Variants in CHRM3 observed in about 807,000 individuals in gnomAD.
CHRM3 encodes muscarinic acetylcholine receptor M3.
A neutral mutation model predicts 41.8 loss-of-function variants in CHRM3; 11 were observed. The observed-to-expected ratio is 0.26, with a 90% CI of 0.17 to 0.44. CHRM3 has a LOEUF of 0.44. Ranked by LOEUF, CHRM3 falls within the 20% of genes least tolerant of loss-of-function variation. The pLI, the probability that CHRM3 is intolerant of heterozygous loss-of-function variation, is 1.00. For missense variants in CHRM3, 571 were observed against 745.4 expected, an observed-to-expected ratio of 0.77 and a Z score of 2.72; for synonymous variants, 297 against 301.4, an observed-to-expected ratio of 0.99 and a Z score of 0.15.
chr1:239,479,829 G>A (rs938628721), intron 1 of CHRM3, among the ~76,000 whole-genome samples: 16 of 152,208 alleles, frequency 1.1e-4, no homozygotes, highest in Non-Finnish European at 4.4e-5. Context: ...AGGACTGCAA[G>A]TTGCTCTAGG....
At chr1:239,818,692 C>T (rs750857965) in intron 5 of CHRM3, among the ~76,000 whole-genome samples, 2 of 152,138 alleles carry the variant, frequency 1.3e-5, no homozygotes, top group African/African-American at 2.4e-5. Context: ...CTTTTATTTG[C>T]AATTCTAGAA....
intron 5 of CHRM3, among the ~76,000 whole-genome samples, chr1:239,724,477 G>A (rs962790037): frequency 6.6e-6 from 1 of 151,906 alleles, no homozygotes; most frequent in Admixed American, 6.6e-5. Flanking sequence ...TTGTGCATTG[G>A]AAGTTTACTT....
intron 6 of CHRM3, among the ~76,000 whole-genome samples, chr1:239,849,562 GT>G (rs1309472086): frequency 6.6e-6 from 1 of 152,286 alleles, no homozygotes; most frequent in Non-Finnish European, 1.5e-5. Flanking sequence ...ACACAAACGT[GT>G]TTTGCTGCAA....
At chr1:239,772,394 G>A (rs973882244) in intron 5 of CHRM3, among the ~76,000 whole-genome samples, 6 of 152,078 alleles carry the variant, frequency 3.9e-5, no homozygotes, top group East Asian at 1.9e-4. Context: ...CAGGTGATCC[G>A]GCCACCTCGG....
intron 5 of CHRM3, among the ~76,000 whole-genome samples, chr1:239,678,858 C>T (rs186601913): frequency 6.6e-5 from 10 of 152,144 alleles, no homozygotes; most frequent in Admixed American, 6.5e-4. Context: ...TACATAAAAA[C>T]AAAAAATATG....
chr1:239,713,741 C>A (rs1165447200), intron 5 of CHRM3, among the ~76,000 whole-genome samples: 1 of 152,160 alleles, frequency 6.6e-6, no homozygotes, highest in Non-Finnish European at 1.5e-5. Flanking sequence ...GAGACCTCTG[C>A]AGTTTACCTC....
intron 1 of CHRM3, among the ~76,000 whole-genome samples, chr1:239,426,520 T>C (rs1002625594): frequency 6.0e-5 from 9 of 149,342 alleles, no homozygotes; most frequent in Non-Finnish European, 1.2e-4. Flanking sequence ...AAAACAAAAT[T>C]AAGATGAGTG....
At chr1:239,744,281 G>A (rs921509604) in intron 5 of CHRM3, among the ~76,000 whole-genome samples, 4 of 152,118 alleles carry the variant, frequency 2.6e-5, no homozygotes, top group African/African-American at 9.7e-5. Context: ...TTCTAGTCAG[G>A]GGAATGGATA....
intron 2 of CHRM3, among the ~76,000 whole-genome samples, chr1:239,497,303 G>C (rs1440822577): frequency 6.6e-6 from 1 of 152,144 alleles, no homozygotes; most frequent in African/African-American, 2.4e-5. Flanking sequence ...AGTCAATTAA[G>C]TACATTAGTA....
intron 6 of CHRM3, among the ~76,000 whole-genome samples, chr1:239,853,618 C>G (rs75486079): frequency 0.015 from 2,342 of 152,064 alleles, 70 homozygotes; most frequent in African/African-American, 0.052. Context: ...TTTACCTCTT[C>G]TGTTTATTTG....
At chr1:239,449,774 T>C (rs1028081091) in intron 1 of CHRM3, among the ~76,000 whole-genome samples, 2 of 150,592 alleles carry the variant, frequency 1.3e-5, no homozygotes, top group Admixed American at 6.7e-5. Context: ...GTATGCATGT[T>C]GTGGGTGTGT....
At chr1:239,789,139 G>A (rs1336827313) in intron 5 of CHRM3, among the ~76,000 whole-genome samples, 1 of 152,130 alleles carries the variant, frequency 6.6e-6, no homozygotes. Flanking sequence ...CACCCATTCA[G>A]AAGAGAAAAG....
intron 6 of CHRM3, among the ~76,000 whole-genome samples, chr1:239,898,625 T>C (rs1361208730): frequency 6.6e-6 from 1 of 152,216 alleles, no homozygotes; most frequent in Non-Finnish European, 1.5e-5. Context: ...TTTAGACTTC[T>C]AGAAAAATTT....
intron 2 of CHRM3, among the ~76,000 whole-genome samples, chr1:239,499,112 T>C (rs976618985): frequency 5.9e-5 from 9 of 152,118 alleles, no homozygotes; most frequent in African/African-American, 2.2e-4. Flanking sequence ...TAGAAGTGCG[T>C]ATTGGTAAGT....
intron 6 of CHRM3, among the ~76,000 whole-genome samples, chr1:239,875,279 G>C (rs1215364820): frequency 2.6e-5 from 4 of 152,182 alleles, no homozygotes; most frequent in Non-Finnish European, 5.9e-5. Flanking sequence ...GGTGGCAACT[G>C]TTCTTCTGTT....
rs762313587 is a variant in CHRM3, at chr1:239,473,405, T to C, written c.-520-19304T>C. Among the ~76,000 whole-genome samples the C allele has an allele frequency of 4.6e-5, 7 of 151,144 alleles. No individual in the cohort carries two copies. The East Asian group carries it at 5.8e-4, about 13-fold the overall frequency. Reference sequence around the variant, plus strand: ...CAGAGAAAGACATCCCAAGAGAAAATTGGAAAGAAAAGAATAGGCATTTCA... The same window carrying C: ...CAGAGAAAGACATCCCAAGAGAAAACTGGAAAGAAAAGAATAGGCATTTCA... On this transcript the variant is annotated intron_variant, in intron 1 of 6. Coordinates refer to ENST00000676153, the MANE Select transcript of CHRM3 (RefSeq NM_001375978.1).
At chr1:239,565,537 G>T (rs1318242119) in intron 3 of CHRM3, among the ~76,000 whole-genome samples, 1 of 151,946 alleles carries the variant, frequency 6.6e-6, no homozygotes, top group African/African-American at 2.4e-5. Context: ...ATTAAACGTA[G>T]GAATTAATTT....
At chr1:239,485,407 C>T (rs1667122422) in intron 1 of CHRM3, among the ~76,000 whole-genome samples, 1 of 152,176 alleles carries the variant, frequency 6.6e-6, no homozygotes, top group African/African-American at 2.4e-5. Context: ...AAGCAATCCT[C>T]CCAAGTAGCT....
intron 1 of CHRM3, among the ~76,000 whole-genome samples, chr1:239,440,112 C>A (rs1342903012): frequency 6.6e-6 from 1 of 150,462 alleles, no homozygotes; most frequent in East Asian, 2.0e-4. Context: ...GCAGGAGAGT[C>A]ACTTGAACCT....
Sources: allele counts gnomAD v4.1 joint callset (sites outside exome capture counted in the v4.1 genomes callset), GRCh38; gene constraint gnomAD v4.1.1; transcripts MANE v1.5; gene names NCBI Gene and HGNC (gene_info 2026-07-23, HGNC 2026-07-21).